COL13A1: variants seen among roughly 807,000 people sequenced by gnomAD.
COL13A1 encodes collagen alpha-1(XIII) chain.
In COL13A1, 89 loss-of-function variants were observed where a neutral mutation model predicts 130.9. The observed-to-expected ratio is 0.68, with a 90% CI of 0.57 to 0.81. COL13A1 has a LOEUF of 0.81. Among genes scored for constraint, COL13A1 ranks in the 30% least tolerant of loss-of-function variants. COL13A1 has a pLI of 0.00. For synonymous variants in COL13A1, 402 were observed against 341.6 expected, an observed-to-expected ratio of 1.18 and a Z score of -1.95; for missense variants, 879 against 934.6, an observed-to-expected ratio of 0.94 and a Z score of 0.78.
At chr10:69,834,101 G>A (rs1849460639) in intron 2 of COL13A1, among the ~76,000 whole-genome samples, 1 of 152,200 alleles carries the variant, frequency 6.6e-6, no homozygotes, top group Non-Finnish European at 1.5e-5. Context: ...GTTTTTCCAT[G>A]TATGGGGATG....
chr10:69,819,213 A>C (rs1845405181), intron 1 of COL13A1, among the ~76,000 whole-genome samples: 1 of 152,164 alleles, frequency 6.6e-6, no homozygotes, highest in Admixed American at 6.5e-5. Context: ...TCTGGGACTT[A>C]GTTTCCTGGA....
intron 1 of COL13A1, among the ~76,000 whole-genome samples, chr10:69,812,027 C>T (rs949907654): frequency 4.3e-4 from 66 of 152,166 alleles, no homozygotes; most frequent in Non-Finnish European, 4.9e-4. Flanking sequence ...CTGCTCTCAC[C>T]CATGCTGTCC....
chr10:69,808,447 CT>C (rs1350242262), intron 1 of COL13A1, among the ~76,000 whole-genome samples: 1 of 152,168 alleles, frequency 6.6e-6, no homozygotes. Context: ...GTGTTGTTGG[CT>C]TTCCTTATCC....
intron 2 of COL13A1, among the ~76,000 whole-genome samples, chr10:69,859,521 C>G (rs1007792286): frequency 6.6e-6 from 1 of 152,260 alleles, no homozygotes; most frequent in Non-Finnish European, 1.5e-5. Context: ...TTTGAGCTTC[C>G]CCAGGCAGGG....
intron 17 of COL13A1, among the ~76,000 whole-genome samples, chr10:69,914,142 CAG>C (rs2063673003): frequency 6.6e-6 from 1 of 152,194 alleles, no homozygotes; most frequent in Non-Finnish European, 1.5e-5. Flanking sequence ...GGATTGGAGA[CAG>C]AAGCCCAGAG....
intron 31 of COL13A1, among the ~76,000 whole-genome samples, chr10:69,934,752 A>G (rs2066608356): frequency 6.6e-6 from 1 of 152,264 alleles, no homozygotes; most frequent in African/African-American, 2.4e-5. Context: ...CAAGGGAAAC[A>G]GAGACCAGCA....
chr10:69,869,619 G>A (rs554391508), intron 3 of COL13A1, among the ~76,000 whole-genome samples: 5 of 152,324 alleles, frequency 3.3e-5, no homozygotes, highest in African/African-American at 9.6e-5. Context: ...CCATTTAGGT[G>A]GAAGTAAATT....
At chr10:69,820,220 CAAG>C (rs1845704985) in intron 1 of COL13A1, among the ~76,000 whole-genome samples, 1 of 152,190 alleles carries the variant, frequency 6.6e-6, no homozygotes, top group Non-Finnish European at 1.5e-5. Flanking sequence ...TTTTCTTCCA[CAAG>C]AAGTTATGCC....
At chr10:69,931,205 C>T in intron 30 of COL13A1, 1 of 456,194 alleles carries the variant, frequency 2.2e-6, no homozygotes, top group Non-Finnish European at 4.4e-6. Context: ...GTGGCCAGAG[C>T]AGACCCAGAG....
intron 25 of COL13A1, among the ~76,000 whole-genome samples, chr10:69,925,233 A>C (rs1430339220): frequency 6.6e-6 from 1 of 152,222 alleles, no homozygotes; most frequent in Non-Finnish European, 1.5e-5. Flanking sequence ...TAATCCACAC[A>C]CTGCAAGGGA....
At chr10:69,866,852 G>A (rs1164867683) in intron 2 of COL13A1, among the ~76,000 whole-genome samples, 2 of 152,190 alleles carry the variant, frequency 1.3e-5, no homozygotes, top group East Asian at 3.9e-4. Flanking sequence ...TTTATTGGCC[G>A]AGCATAAAAG....
chr10:69,849,262 T>C (rs372832514), intron 2 of COL13A1, among the ~76,000 whole-genome samples: 1 of 149,450 alleles, frequency 6.7e-6, no homozygotes, highest in African/African-American at 2.4e-5. Context: ...TCCCCTTCAA[T>C]CCCTTTCCTG....
intron 2 of COL13A1, among the ~76,000 whole-genome samples, chr10:69,834,046 T>A (rs1849445473): frequency 6.6e-6 from 1 of 152,126 alleles, no homozygotes; most frequent in South Asian, 2.1e-4. Context: ...GCAGCAATGA[T>A]CTCTCTAAGG....
chr10:69,807,431 T>C (rs1304836745), intron 1 of COL13A1, among the ~76,000 whole-genome samples: 1 of 152,218 alleles, frequency 6.6e-6, no homozygotes, highest in Non-Finnish European at 1.5e-5. Context: ...ATAACAACAA[T>C]TATAATAACA....
intron 38 of COL13A1, among the ~76,000 whole-genome samples, chr10:69,952,496 G>T (rs566100472): frequency 3.3e-5 from 5 of 152,270 alleles, no homozygotes; most frequent in African/African-American, 1.2e-4. Flanking sequence ...GAAAAAAAAA[G>T]TTTTCACCCC....
intron 34 of COL13A1, 42 bp from the exon 35 acceptor site, chr10:69,940,946 C>G (rs561078070): frequency 6.2e-7 from 1 of 1,613,632 alleles, no homozygotes; most frequent in Non-Finnish European, 8.5e-7. Context: ...CCTCCCAATC[C>G]TCTCTTCCCC....
chr10:69,940,718 C>T (rs994575565), intron 34 of COL13A1, among the ~76,000 whole-genome samples: 15 of 152,030 alleles, frequency 9.9e-5, no homozygotes, highest in African/African-American at 2.2e-4. Flanking sequence ...AGAAGGGGGG[C>T]GGGAGGAGCA....
At chr10:69,805,738 G>C (rs987507831) in intron 1 of COL13A1, among the ~76,000 whole-genome samples, 1 of 152,202 alleles carries the variant, frequency 6.6e-6, no homozygotes, top group Non-Finnish European at 1.5e-5. Context: ...GCCTTTCCCT[G>C]TGTAGGTGTG....
intron 25 of COL13A1, 28 bp from the exon 26 acceptor site, chr10:69,925,776 G>A (rs1227778): frequency 9.4e-5 from 147 of 1,564,984 alleles, no homozygotes; most frequent in African/African-American, 5.6e-4. Flanking sequence ...GGTCCAGGCC[G>A]TGGGTTGAGA....
Sources: allele counts gnomAD v4.1 joint callset (sites outside exome capture counted in the v4.1 genomes callset), GRCh38; gene constraint gnomAD v4.1.1; transcripts MANE v1.5; gene names NCBI Gene and HGNC (gene_info 2026-07-23, HGNC 2026-07-21).